EYS: variants seen among roughly 807,000 people sequenced by gnomAD.
EYS encodes EGF-like photoreceptor maintenance factor.
In EYS, 250 loss-of-function variants were observed where a neutral mutation model predicts 282.1. The observed-to-expected ratio is 0.89, with a 90% CI of 0.80 to 0.98. The LOEUF (loss-of-function observed/expected upper bound fraction) is 0.98. EYS is among the 50% of genes least tolerant of loss of function. The pLI is 0.00. For synonymous variants in EYS, 1,355 were observed against 1,282.9 expected (o/e 1.06, Z -1.20); for missense variants, 4,016 against 3,709.0 (o/e 1.08, Z -2.15).
In EYS at chr6:65,210,297, T is replaced by C. The variant is rs374907638; in HGVS notation, c.2023+85566A>G. Among the ~76,000 whole-genome samples the C allele has an allele frequency of 4.6e-5, 7 of 152,122 alleles. No homozygotes were observed. In the East Asian group the frequency reaches 1.4e-3, roughly 29 times the overall value. ...CTTGACTCTTGTGAAACAGTGTTTGTTGGAGTTGATTACATGGGAACTTTC... is the reference window on the plus strand; with the variant it reads ...CTTGACTCTTGTGAAACAGTGTTTGCTGGAGTTGATTACATGGGAACTTTC... On this transcript the variant is annotated intron_variant, in intron 12 of 42. Transcript: ENST00000503581.
intron 2 of EYS, among the ~76,000 whole-genome samples, chr6:65,549,058 C>A (rs9363392): frequency 0.55 from 83,365 of 151,790 alleles, 22,913 homozygotes; most frequent in East Asian, 0.71. Context: ...CTCTAATGCG[C>A]CCCTGACCTG....
intron 36 of EYS, among the ~76,000 whole-genome samples, chr6:63,838,805 C>G (rs1771875430): frequency 6.6e-6 from 1 of 152,118 alleles, no homozygotes; most frequent in African/African-American, 2.4e-5. Flanking sequence ...GTCTCCCTTT[C>G]TTCTCTATCT....
intron 2 of EYS, among the ~76,000 whole-genome samples, chr6:65,529,735 A>C (rs1220385932): frequency 1.3e-5 from 2 of 152,172 alleles, no homozygotes; most frequent in African/African-American, 4.8e-5. Flanking sequence ...TTAAATCATG[A>C]TGTAATAATC....
At chr6:65,589,795 T>G (rs1765170914) in intron 2 of EYS, among the ~76,000 whole-genome samples, 1 of 152,002 alleles carries the variant, frequency 6.6e-6, no homozygotes, top group African/African-American at 2.4e-5. Flanking sequence ...CTGACATTTC[T>G]ATTTTCTAAT....
chr6:65,458,390 A>G (rs1764707743), intron 5 of EYS, among the ~76,000 whole-genome samples: 1 of 152,006 alleles, frequency 6.6e-6, no homozygotes, highest in South Asian at 2.1e-4. Context: ...TTAGTTCTCA[A>G]TCCTCCCTCA....
At chr6:65,627,945 G>A (rs988078196) in intron 2 of EYS, among the ~76,000 whole-genome samples, 1 of 152,238 alleles carries the variant, frequency 6.6e-6, no homozygotes, top group South Asian at 2.1e-4. Context: ...GCGCAGGACT[G>A]GCAGGCAGCT....
At chr6:64,231,912 C>G (rs1766436188) in intron 30 of EYS, among the ~76,000 whole-genome samples, 1 of 151,994 alleles carries the variant, frequency 6.6e-6, no homozygotes, top group Admixed American at 6.6e-5. Context: ...TAAAAATCAA[C>G]AATTAAACAT....
At chr6:65,624,674 A>G (rs1021492499) in intron 2 of EYS, among the ~76,000 whole-genome samples, 1 of 152,170 alleles carries the variant, frequency 6.6e-6, no homozygotes, top group Non-Finnish European at 1.5e-5. Flanking sequence ...GAGAAGGTGG[A>G]AGAGCAGACC....
At chr6:63,938,826 G>A (rs1348164901) in intron 35 of EYS, among the ~76,000 whole-genome samples, 5 of 152,178 alleles carry the variant, frequency 3.3e-5, no homozygotes, top group African/African-American at 1.2e-4. Flanking sequence ...GTACTCAAGG[G>A]TGCTGAGTTG....
At chr6:64,324,891 A>G (rs1263973305) in intron 29 of EYS, among the ~76,000 whole-genome samples, 8 of 152,182 alleles carry the variant, frequency 5.3e-5, no homozygotes, top group Non-Finnish European at 8.8e-5. Flanking sequence ...TGAAATACCT[A>G]GGAATACAGC....
At chr6:65,305,400 T>C (rs1768976808) in intron 11 of EYS, among the ~76,000 whole-genome samples, 1 of 152,228 alleles carries the variant, frequency 6.6e-6, no homozygotes, top group African/African-American at 2.4e-5. Context: ...CCAAATTTTA[T>C]GCTACCACTA....
intron 12 of EYS, among the ~76,000 whole-genome samples, chr6:65,076,977 G>A (rs1017997754): frequency 1.3e-5 from 2 of 151,834 alleles, no homozygotes; most frequent in African/African-American, 2.4e-5. Flanking sequence ...AGAAAACAGG[G>A]GCCTTAGAAG....
chr6:64,407,098 C>T (rs981014381), intron 28 of EYS, among the ~76,000 whole-genome samples: 1 of 152,186 alleles, frequency 6.6e-6, no homozygotes, highest in African/African-American at 2.4e-5. Flanking sequence ...CACATATACA[C>T]CATGGAATAC....
intron 8 of EYS, among the ~76,000 whole-genome samples, chr6:65,365,336 T>C (rs1764874895): frequency 6.6e-6 from 1 of 151,580 alleles, no homozygotes; most frequent in Admixed American, 6.7e-5. Context: ...ATTTTCTGCC[T>C]GATCCCAGGT....
chr6:65,549,306 G>C (rs1232281077), intron 2 of EYS, among the ~76,000 whole-genome samples: 2 of 147,776 alleles, frequency 1.4e-5, no homozygotes, highest in Non-Finnish European at 3.0e-5. Context: ...ATCACCAAAT[G>C]CCCATGGGGA....
chr6:64,715,218 G>A (rs968550174), intron 22 of EYS, among the ~76,000 whole-genome samples: 1 of 152,114 alleles, frequency 6.6e-6, no homozygotes, highest in East Asian at 1.9e-4. Flanking sequence ...ATCAGTGGGA[G>A]CCTTGAGTTT....
chr6:64,313,364 C>T (rs923555587), intron 29 of EYS, among the ~76,000 whole-genome samples: 1 of 120,614 alleles, frequency 8.3e-6, no homozygotes, highest in Non-Finnish European at 1.9e-5. Context: ...ACAAAGTCTC[C>T]AAGAAATGTG....
At chr6:63,728,100 T>A (rs1364314126) in intron 41 of EYS, among the ~76,000 whole-genome samples, 1 of 152,070 alleles carries the variant, frequency 6.6e-6, no homozygotes, top group African/African-American at 2.4e-5. Flanking sequence ...TTTAAAATAT[T>A]GCTAAATTAA....
chr6:65,535,362 C>T (rs1040312672), intron 2 of EYS, among the ~76,000 whole-genome samples: 4 of 152,176 alleles, frequency 2.6e-5, no homozygotes, highest in Middle Eastern at 3.4e-3. Context: ...GGGGGCAGGT[C>T]TTTCCGGTGC....
Sources: allele counts gnomAD v4.1 joint callset (sites outside exome capture counted in the v4.1 genomes callset), GRCh38; gene constraint gnomAD v4.1.1; transcripts MANE v1.5; gene names NCBI Gene and HGNC (gene_info 2026-07-23, HGNC 2026-07-21).